Variants in CDYL2 observed in about 807,000 individuals in gnomAD.
The protein encoded by CDYL2 is chromodomain Y-like protein 2.
CDYL2 carries 23 observed loss-of-function variants against 49.4 expected under a neutral mutation model. The observed-to-expected ratio is 0.47, with a 90% CI of 0.34 to 0.66. CDYL2 has a LOEUF of 0.66. CDYL2 is among the 30% of genes least tolerant of loss of function. CDYL2 has a pLI of 0.01. For synonymous variants in CDYL2, 360 were observed against 268.8 expected, an observed-to-expected ratio of 1.34 and a Z score of -3.32; for missense variants, 678 against 656.4, an observed-to-expected ratio of 1.03 and a Z score of -0.36.
At chr16:80,689,782 C>A (rs889468701) in intron 1 of CDYL2, among the ~76,000 whole-genome samples, 4 of 152,228 alleles carry the variant, frequency 2.6e-5, no homozygotes, top group African/African-American at 9.7e-5. Context: ...GTGAGAAACA[C>A]AGGCCTTAAA....
At chr16:80,611,969 A>T (rs1020402186) in intron 5 of CDYL2, among the ~76,000 whole-genome samples, 2 of 152,234 alleles carry the variant, frequency 1.3e-5, no homozygotes, top group African/African-American at 4.8e-5. Context: ...TCCATCTGTA[A>T]GATGGAAATC....
At chr16:80,725,287 C>T (rs1241105399) in intron 1 of CDYL2, among the ~76,000 whole-genome samples, 1 of 152,206 alleles carries the variant, frequency 6.6e-6, no homozygotes, top group Admixed American at 6.5e-5. Context: ...GGAGCATCTT[C>T]CCTGACATCC....
intron 1 of CDYL2, among the ~76,000 whole-genome samples, chr16:80,696,545 T>C (rs1278445597): frequency 6.6e-6 from 1 of 151,388 alleles, no homozygotes; most frequent in African/African-American, 2.4e-5. Context: ...ATTATCGAAA[T>C]ACAAAAAATT....
chr16:80,633,859 A>G (rs950039355), intron 2 of CDYL2, among the ~76,000 whole-genome samples: 6 of 152,158 alleles, frequency 3.9e-5, no homozygotes, highest in Admixed American at 6.5e-5. Context: ...ACATTCACAA[A>G]TGGCCTGAAA....
chr16:80,693,072 G>A (rs67472551), intron 1 of CDYL2, among the ~76,000 whole-genome samples: 84,136 of 147,268 alleles, frequency 0.57, 24,384 homozygotes, highest in Middle Eastern at 0.72. Flanking sequence ...AAGACTACAT[G>A]CCAGGCAAAC....
At chr16:80,615,096 C>T (rs1906770974) in intron 4 of CDYL2, among the ~76,000 whole-genome samples, 1 of 152,076 alleles carries the variant, frequency 6.6e-6, no homozygotes. Context: ...GCATCACATT[C>T]CCTAAGATGG....
intron 1 of CDYL2, among the ~76,000 whole-genome samples, chr16:80,706,729 G>A (rs1044776260): frequency 6.6e-6 from 1 of 152,212 alleles, no homozygotes; most frequent in Non-Finnish European, 1.5e-5. Flanking sequence ...CATAGACAAA[G>A]AGGAAGAAAC....
At chr16:80,673,647 T>C (rs796253964) in intron 2 of CDYL2, among the ~76,000 whole-genome samples, 1 of 152,218 alleles carries the variant, frequency 6.6e-6, no homozygotes, top group African/African-American at 2.4e-5. Flanking sequence ...CAAACCCATA[T>C]GCATACCCTT....
rs748504795 is a variant in CDYL2, at chr16:80,804,206, G to A, written c.-33C>T. The A allele has an allele frequency of 1.3e-5, 18 of 1,338,810 alleles. No homozygotes were observed. In the South Asian group the frequency reaches 2.5e-4, roughly 19 times the overall value. The allele number at this position is 1,338,810 out of a possible 1,614,324, so 82.9% of individuals were successfully genotyped here. ...TGCGGAACTTGGCTCGCCGGTGTGC[G>A]CGTCTGCTCGCTCGCGCCCTCCGTG... On this transcript the variant is annotated 5_prime_UTR_variant, in exon 1 of 7. Transcript: ENST00000570137.
At chr16:80,699,750 C>G (rs1192206554) in intron 1 of CDYL2, among the ~76,000 whole-genome samples, 1 of 152,070 alleles carries the variant, frequency 6.6e-6, no homozygotes, top group African/African-American at 2.4e-5. Flanking sequence ...TACACATTAT[C>G]TATATGTATT....
chr16:80,649,804 C>G (rs990389757), intron 2 of CDYL2, among the ~76,000 whole-genome samples: 2 of 152,054 alleles, frequency 1.3e-5, no homozygotes, highest in African/African-American at 4.8e-5. Flanking sequence ...AACCCAGAAA[C>G]AAATCCACAC....
intron 1 of CDYL2, among the ~76,000 whole-genome samples, chr16:80,741,837 G>A (rs1206748171): frequency 1.3e-5 from 2 of 152,158 alleles, no homozygotes; most frequent in African/African-American, 2.4e-5. Context: ...TGTTAATGTT[G>A]GACTAATTTA....
At chr16:80,775,127 C>G (rs1907038649) in intron 1 of CDYL2, among the ~76,000 whole-genome samples, 1 of 151,896 alleles carries the variant, frequency 6.6e-6, no homozygotes, top group South Asian at 2.1e-4. Flanking sequence ...TGCCCATGCA[C>G]AGTCCCTTTC....
At chr16:80,625,077 G>A (rs1220993967) in intron 3 of CDYL2, among the ~76,000 whole-genome samples, 2 of 152,184 alleles carry the variant, frequency 1.3e-5, no homozygotes, top group East Asian at 3.9e-4. Context: ...AGTTTCCTAT[G>A]GCTGCTGTAA....
intron 2 of CDYL2, among the ~76,000 whole-genome samples, chr16:80,682,442 T>A (rs1003677432): frequency 1.6e-4 from 24 of 152,260 alleles, no homozygotes; most frequent in African/African-American, 5.8e-4. Context: ...CCAGGGGGCA[T>A]CAGCAAAGCC....
intron 3 of CDYL2, among the ~76,000 whole-genome samples, chr16:80,626,274 C>CT (rs1441420652): frequency 2.0e-4 from 13 of 66,044 alleles, no homozygotes; most frequent in African/African-American, 9.1e-5. Context: ...GAAATCCCAT[C>CT]TAAAAAAAAA....
At chr16:80,644,255 T>C (rs548312691) in intron 2 of CDYL2, among the ~76,000 whole-genome samples, 7 of 152,326 alleles carry the variant, frequency 4.6e-5, no homozygotes, top group African/African-American at 1.7e-4. Context: ...CTCATCTCCA[T>C]CTGAGACCAT....
At chr16:80,650,395 A>G (rs1908533614) in intron 2 of CDYL2, among the ~76,000 whole-genome samples, 1 of 152,238 alleles carries the variant, frequency 6.6e-6, no homozygotes, top group African/African-American at 2.4e-5. Context: ...AAGAAATGCA[A>G]ATCAAAACTA....
intron 3 of CDYL2, among the ~76,000 whole-genome samples, chr16:80,622,398 T>A (rs1907121861): frequency 6.6e-6 from 1 of 151,978 alleles, no homozygotes; most frequent in Non-Finnish European, 1.5e-5. Context: ...TGACCCACCC[T>A]ATTCTCCTCC....
Sources: gnomAD v4.1 joint callset for allele counts (sites outside exome capture counted in the v4.1 genomes callset) on GRCh38, gnomAD v4.1.1 for gene constraint, MANE v1.5 for transcripts, NCBI Gene and HGNC (gene_info 2026-07-23, HGNC 2026-07-21) for gene names.